Variants in TBXAS1 observed in about 807,000 individuals in gnomAD.
TBXAS1 encodes the protein thromboxane A synthase 1, also known as thromboxane-A synthase.
In TBXAS1, 48 loss-of-function variants were observed where a neutral mutation model predicts 60.7. The ratio of observed to expected loss-of-function variants is 0.79; its 90% CI spans 0.63 to 1.01. The LOEUF (loss-of-function observed/expected upper bound fraction) is 1.01. Ranked by LOEUF, TBXAS1 falls within the 50% of genes least tolerant of loss-of-function variation. TBXAS1 has a pLI of 0.00. For missense variants in TBXAS1, 685 were observed against 686.3 expected, an observed-to-expected ratio of 1.00 and a Z score of 0.02; for synonymous variants, 287 against 269.7, an observed-to-expected ratio of 1.06 and a Z score of -0.63.
At chr7:139,848,646 C>G (rs1179377112) in intron 1 of TBXAS1, among the ~76,000 whole-genome samples, 1 of 152,120 alleles carries the variant, frequency 6.6e-6, no homozygotes, top group Non-Finnish European at 1.5e-5. Flanking sequence ...CCTGACAGGT[C>G]ACAGGGATGC....
intron 3 of TBXAS1, among the ~76,000 whole-genome samples, chr7:139,905,895 G>A (rs955737849): frequency 6.6e-6 from 1 of 151,988 alleles, no homozygotes; most frequent in Non-Finnish European, 1.5e-5. Flanking sequence ...TTATGTTTTA[G>A]TGTCAAGTCT....
At chr7:139,783,890 C>T (rs1217847039) in intron 3 of TBXAS1, among the ~76,000 whole-genome samples, 7 of 152,078 alleles carry the variant, frequency 4.6e-5, no homozygotes, top group Non-Finnish European at 5.9e-5. Flanking sequence ...CTTTCTTAGC[C>T]CCTCCCCTGC....
intron 3 of TBXAS1, 23 bp from the exon 4 acceptor site, chr7:139,911,202 A>T (rs748789037): frequency 6.3e-7 from 1 of 1,596,822 alleles, no homozygotes; most frequent in South Asian, 1.1e-5. Context: ...AACACATTTT[A>T]ATGCATTTTT....
intron 1 of TBXAS1, among the ~76,000 whole-genome samples, chr7:139,840,465 G>A (rs950512437): frequency 6.6e-6 from 1 of 152,160 alleles, no homozygotes; most frequent in African/African-American, 2.4e-5. Context: ...GCCCTGAAAG[G>A]TTCTTTAATA....
intron 4 of TBXAS1, among the ~76,000 whole-genome samples, chr7:139,932,483 C>A (rs1208986053): frequency 6.6e-6 from 1 of 151,922 alleles, no homozygotes; most frequent in Non-Finnish European, 1.5e-5. Flanking sequence ...TTCAGATGAG[C>A]TGAAATTTTC....
chr7:139,811,438 G>A (rs1798020668), intron 4 of TBXAS1, among the ~76,000 whole-genome samples: 1 of 152,200 alleles, frequency 6.6e-6, no homozygotes, highest in Admixed American at 6.5e-5. Context: ...GCATGGGCAA[G>A]CTCTTATCTC....
chr7:139,875,847 T>G, intron 3 of TBXAS1: 1 of 621,394 alleles, frequency 1.6e-6, no homozygotes. Flanking sequence ...GGGGGGACTC[T>G]GCTGGCCTGA....
intron 9 of TBXAS1, among the ~76,000 whole-genome samples, chr7:139,986,192 A>C (rs79333041): frequency 0.03 from 4,576 of 152,214 alleles, 161 homozygotes; most frequent in African/African-American, 0.085. Context: ...ATTCTAAGTG[A>C]GGTCCATGGG....
upstream of TBXAS1, among the ~76,000 whole-genome samples, chr7:139,826,560 C>G (rs545597429): frequency 3.9e-5 from 6 of 152,300 alleles, no homozygotes; most frequent in East Asian, 9.6e-4. Flanking sequence ...GATTTAAATA[C>G]CAAATTTATG....
chr7:139,991,530 A>G (rs548050894), intron 9 of TBXAS1, among the ~76,000 whole-genome samples: 2 of 152,348 alleles, frequency 1.3e-5, no homozygotes, highest in East Asian at 3.9e-4. Context: ...TCATTTATGA[A>G]CATCAAGGGA....
chr7:140,016,834 C>G (rs952979805), intron 11 of TBXAS1: 2 of 152,604 alleles, frequency 1.3e-5, no homozygotes, highest in Admixed American at 6.5e-5. Context: ...CTGAGTTCAG[C>G]CCAAGCCTAC....
rs553674816 is a variant in TBXAS1 at position 139,798,945 on chromosome 7, C to T, written c.-80+11519C>T. ...ACTTCAGTTGCCTGCCAGACATTTC[C>T]ATCTGGGAGCCCTGTCCTCACTCTG... On this transcript the variant is annotated intron_variant, in intron 4 of 16. Coordinates refer to the TBXAS1 transcript ENST00000336425. 3.3e-5 allele frequency among the ~76,000 whole-genome samples: 5 copies of T among 152,258 alleles called. No homozygotes were observed. The East Asian group carries it at 9.6e-4, about 29-fold the overall frequency.
intron 9 of TBXAS1, among the ~76,000 whole-genome samples, chr7:139,984,614 A>AGAG (rs1812210270): frequency 1.5e-5 from 1 of 65,550 alleles, no homozygotes; most frequent in African/African-American, 5.2e-5. Context: ...ATAAGAAAGA[A>AGAG]AGAGAGAGAG....
chr7:139,966,790 G>A (rs1254920563), intron 9 of TBXAS1, among the ~76,000 whole-genome samples: 3 of 152,206 alleles, frequency 2.0e-5, no homozygotes, highest in South Asian at 4.1e-4. Context: ...GTGCCCTTCT[G>A]TTCTCTTAGC....
intron 4 of TBXAS1, among the ~76,000 whole-genome samples, chr7:139,800,976 G>C (rs1797709155): frequency 6.6e-6 from 1 of 152,106 alleles, no homozygotes; most frequent in Non-Finnish European, 1.5e-5. Flanking sequence ...TGTATTCAGT[G>C]TCTCCCCATC....
intron 4 of TBXAS1, among the ~76,000 whole-genome samples, chr7:139,931,117 A>G (rs1349955220): frequency 6.6e-6 from 1 of 152,146 alleles, no homozygotes; most frequent in African/African-American, 2.4e-5. Context: ...ACACACACAC[A>G]CATATCTTGA....
At position 139,955,402 on chromosome 7, in the gene TBXAS1, A is replaced by G. The variant is rs990928120; in HGVS notation, c.540-57A>G. On this transcript the variant is annotated intron_variant, in intron 6 of 12. Coordinates refer to ENST00000448866, the MANE Select transcript of TBXAS1 (RefSeq NM_001061.7). ...AGGCCCTCCTCCTCTGGAGGGGGCC[A>G]TTGTGGGTAGCCCCTGCCAGAGTCC... 13 of 1,611,784 alleles carry G rather than the reference A, an allele frequency of 8.1e-6. No homozygotes were observed. The African/African-American group carries it at 1.3e-4, about 17-fold the overall frequency.
intron 4 of TBXAS1, among the ~76,000 whole-genome samples, chr7:139,922,315 T>C (rs1311985317): frequency 1.3e-5 from 2 of 152,126 alleles, no homozygotes; most frequent in Admixed American, 6.5e-5. Context: ...TTGGTCAGGT[T>C]GGTCTCGAAT....
intron 4 of TBXAS1, among the ~76,000 whole-genome samples, chr7:139,792,540 CA>C (rs1797419830): frequency 6.6e-6 from 1 of 152,108 alleles, no homozygotes; most frequent in Non-Finnish European, 1.5e-5. Flanking sequence ...ACAATGAAAA[CA>C]AAACAAACAG....
Sources: allele counts gnomAD v4.1 joint callset (sites outside exome capture counted in the v4.1 genomes callset), GRCh38; gene constraint gnomAD v4.1.1; transcripts MANE v1.5; gene names NCBI Gene and HGNC (gene_info 2026-07-23, HGNC 2026-07-21).